The following DHX57 variants were observed in gnomAD, a reference collection of about 807,000 sequenced individuals.
DHX57 encodes the protein putative ATP-dependent RNA helicase DHX57.
Under a neutral mutation model 156.2 loss-of-function variants are expected in DHX57, and 105 were observed. The ratio of observed to expected loss-of-function variants is 0.67; its 90% CI spans 0.57 to 0.79. DHX57 has a LOEUF of 0.79. Among genes scored for constraint, DHX57 ranks in the 30% least tolerant of loss-of-function variants. The pLI, the probability that DHX57 is intolerant of heterozygous loss-of-function variation, is 0.00. For missense variants in DHX57, 1,847 were observed against 1,661.9 expected, an observed-to-expected ratio of 1.11 and a Z score of -1.94; for synonymous variants, 704 against 595.6, an observed-to-expected ratio of 1.18 and a Z score of -2.65.
intron 2 of DHX57, 38 bp downstream of exon 2, chr2:38,868,144 C>T (rs1665172459): frequency 1.2e-6 from 2 of 1,606,358 alleles, no homozygotes; most frequent in African/African-American, 1.3e-5. Context: ...GGGGTTGATA[C>T]CATTTCCATA....
intron 2 of DHX57, chr2:38,867,355 A>C (rs1169226986): frequency 6.6e-6 from 1 of 152,252 alleles, no homozygotes; most frequent in Admixed American, 6.5e-5. Flanking sequence ...ATAGCAAAAC[A>C]TTTACTTTTA....
At chr2:38,838,098 T>C (rs1671779055) in intron 12 of DHX57, 151 bp from the exon 13 acceptor site, 1 of 613,870 alleles carries the variant, frequency 1.6e-6, no homozygotes, top group Admixed American at 2.9e-5. Flanking sequence ...GAAATGAACT[T>C]TTTTCTTTTC....
intron 19 of DHX57, chr2:38,815,938 C>T (rs771825119): frequency 2.3e-6 from 1 of 440,288 alleles, no homozygotes; most frequent in Non-Finnish European, 4.3e-6. Context: ...TAAACACTCT[C>T]ATTGGATTTT....
chr2:38,825,698 C>A, intron 16 of DHX57, 149 bp downstream of exon 16: 1 of 798,268 alleles, frequency 1.3e-6, no homozygotes, highest in South Asian at 1.8e-5. Flanking sequence ...AAAGGCAACA[C>A]TAAGGATATC....
At chr2:38,853,978 G>C (rs1672747350) in intron 9 of DHX57, 76 bp downstream of exon 9, 1 of 1,423,038 alleles carries the variant, frequency 7.0e-7, no homozygotes, top group Non-Finnish European at 9.5e-7. Flanking sequence ...AACTGAATTG[G>C]AACTAGAAAA....
rs535416668 is a variant in DHX57, at chr2:38,863,397, C to A, written c.347G>T (p.Arg116Leu). The A allele has an allele frequency of 6.2e-7, 1 of 1,613,540 alleles. No individual in the cohort carries two copies. The highest frequency in any genetic ancestry group is 8.5e-7 in the Non-Finnish European group (1 of 1,179,892). ...ENQEKVKALL[R>L]DLQEQDADAG... ...ATCAGCATCTTGTTCTTGCAGGTCT[C>A]GGAGAAGAGCTTTCACTTTCTCTTG... The change falls in exon 3 of 24, where the codon CGA (arginine) becomes CTA (leucine). Residue 116 changes from arginine (R) to leucine (L), a missense_variant. By Grantham distance (102) the Arg-to-Leu change is moderately radical. Coordinates refer to ENST00000457308, the MANE Select transcript of DHX57 (RefSeq NM_198963.3).
chr2:38,856,454 C>G lies in DHX57; in HGVS notation c.1595G>C (p.Arg532Thr). Residue 532 changes from arginine to threonine, a missense_variant, in exon 7 of 24, where the codon AGA becomes ACA. Coordinates refer to ENST00000457308, the MANE Select transcript of DHX57 (RefSeq NM_198963.3). ...CTCTTGCAGAATGGACTGGAACTGTCTGGAAGCCTAATAAAATCAAAGATA... is the reference window on the plus strand; with the variant it reads ...CTCTTGCAGAATGGACTGGAACTGTGTGGAAGCCTAATAAAATCAAAGATA... ...CKQFRMKQAS[R>T]QFQSILQERQ... The G allele has an allele frequency of 2.5e-6, 4 of 1,591,906 alleles. No individual in the cohort carries two copies. The highest frequency in any genetic ancestry group is 3.4e-6 in the Non-Finnish European group (4 of 1,174,594).
intron 23 of DHX57, 53 bp downstream of exon 23, chr2:38,802,662 G>C: frequency 1.9e-6 from 3 of 1,602,366 alleles, no homozygotes; most frequent in Non-Finnish European, 2.6e-6. Context: ...ACTTCATATT[G>C]TCAAAGCCCC....
chr2:38,839,431 G>C (rs1671860336), intron 12 of DHX57, among the ~76,000 whole-genome samples: 1 of 151,750 alleles, frequency 6.6e-6, no homozygotes, highest in Admixed American at 6.6e-5. Context: ...AGCAGTTTCG[G>C]CTGGGCGCGG....
At position 38,798,196 on chromosome 2, in the gene DHX57, A is replaced by G; in HGVS notation, c.*103T>C. 7.4e-6 allele frequency: 11 copies of G among 1,478,364 alleles called. No individual in the cohort carries two copies. Among genetic ancestry groups the G allele is most frequent in the Non-Finnish European group, 1.0e-5 (11 of 1,103,946 alleles). 91.6% of individuals were successfully genotyped at this position (1,478,364 alleles called of 1,614,324 possible). ...GCTTCATGCCCTGGGCTCCTCCACC[A>G]GGGCCAGCCCCAATAGGTCTTTAGT... On this transcript the variant is annotated 3_prime_UTR_variant, in exon 24 of 24. Transcript: ENST00000457308.
Position 38,861,475 on chromosome 2 carries a change from T to A in DHX57, c.935A>T (p.Asn312Ile). Residue 312 changes from asparagine to isoleucine, a missense_variant, in exon 5 of 24, where the codon AAT becomes ATT. Physicochemically the swap from Asn to Ile is moderately radical, Grantham distance 149. Transcript: ENST00000457308. ...LEICKFYLKGNCKFGSKCRFK... is the reference protein window; with the variant it reads ...LEICKFYLKGICKFGSKCRFK... ...TCTGCATTTTGATCCAAATTTACAA[T>A]TTCCTTTGAGGTAAAATTTACAGAT... is the stretch of plus-strand genomic sequence containing the variant. 4 of 1,614,090 alleles carry A rather than the reference T, an allele frequency of 2.5e-6. No individual in the cohort carries two copies. The highest frequency in any genetic ancestry group is 3.4e-6 in the Non-Finnish European group (4 of 1,180,020).
At chr2:38,849,964 T>C (rs1672496305) in intron 9 of DHX57, among the ~76,000 whole-genome samples, 1 of 152,218 alleles carries the variant, frequency 6.6e-6, no homozygotes, top group South Asian at 2.1e-4. Flanking sequence ...CCATATTCTG[T>C]ATTTTACTTA....
chr2:38,827,537 CACA>C (rs1671162349), intron 14 of DHX57, among the ~76,000 whole-genome samples: 8 of 53,108 alleles, frequency 1.5e-4, no homozygotes, highest in Non-Finnish European at 2.6e-4. Context: ...TATATATACA[CACA>C]TACATATATA....
At chr2:38,824,663 G>T (rs1330061006) in intron 16 of DHX57, among the ~76,000 whole-genome samples, 2 of 151,858 alleles carry the variant, frequency 1.3e-5, no homozygotes, top group African/African-American at 4.8e-5. Context: ...ATTTTTTGGG[G>T]GGGTATAGAG....
chr2:38,855,443 A>C (rs1672848822), intron 7 of DHX57, among the ~76,000 whole-genome samples, 191 bp from the exon 8 acceptor site: 1 of 96,360 alleles, frequency 1.0e-5, no homozygotes, highest in Admixed American at 1.3e-4. Flanking sequence ...CACTCCAATC[A>C]AAAGGACAAT....
intron 11 of DHX57, 59 bp downstream of exon 11, chr2:38,846,960 A>G: frequency 6.9e-7 from 1 of 1,455,750 alleles, no homozygotes; most frequent in Non-Finnish European, 9.5e-7. Flanking sequence ...TGCTAGAATT[A>G]CAGGGATGAA....
Position 38,826,023 on chromosome 2 carries a change from T to C in DHX57, c.2838A>G (p.Glu946=), listed in dbSNP as rs753211036. The change falls in exon 16 of 24, where the codon GAA becomes GAG. Residue 946 remains glutamate (E), a synonymous_variant. Coordinates refer to ENST00000457308, the MANE Select transcript of DHX57 (RefSeq NM_198963.3). ...EKRYDASKGM[E]SLEDTFVSQA... is the part of the protein sequence containing the mutation. The stretch of plus-strand genomic sequence containing the variant: ...GAGATACAAAGGTGTCCTCTAGACT[T>C]TCCATCCCTTTGCTGGCATCATATC... The C allele has an allele frequency of 6.2e-7, 1 of 1,614,156 alleles. No individual in the cohort carries two copies.
chr2:38,853,888 G>T, intron 9 of DHX57, 166 bp downstream of exon 9: 1 of 576,784 alleles, frequency 1.7e-6, no homozygotes, highest in Non-Finnish European at 3.0e-6. Flanking sequence ...TAGTGTTACA[G>T]ACCCTGGAGA....
chr2:38,798,180 C>T lies in DHX57; in HGVS notation c.*119G>A, dbSNP rs532106963. 5.0e-6 allele frequency: 7 copies of T among 1,393,286 alleles called. No individual in the cohort carries two copies. The South Asian group carries it at 7.3e-5, about 15-fold the overall frequency. The allele number at this position is 1,393,286 out of a possible 1,614,324, so 86.3% of individuals were successfully genotyped here. ...GCCTCAGCTGCCTTGGGCTTCATGC[C>T]CTGGGCTCCTCCACCAGGGCCAGCC... On this transcript the variant is annotated 3_prime_UTR_variant, in exon 24 of 24. Coordinates refer to ENST00000457308, the MANE Select transcript of DHX57 (RefSeq NM_198963.3).
Sources: gnomAD v4.1 joint callset for allele counts (sites outside exome capture counted in the v4.1 genomes callset) on GRCh38, gnomAD v4.1.1 for gene constraint, MANE v1.5 for transcripts, NCBI Gene and HGNC (gene_info 2026-07-23, HGNC 2026-07-21) for gene names.